The following BANK1 variants were observed in gnomAD, a reference collection of about 807,000 sequenced individuals.
BANK1 encodes B-cell scaffold protein with ankyrin repeats.
Under a neutral mutation model 94.5 loss-of-function variants are expected in BANK1, and 95 were observed. The ratio of observed to expected loss-of-function variants is 1.00; its 90% confidence interval spans 0.85 to 1.19. The LOEUF (loss-of-function observed/expected upper bound fraction) is 1.19, where lower values mean the gene tolerates loss of function less well. BANK1 is among the 50% of genes most tolerant of loss of function. The pLI is 0.00. For synonymous variants in BANK1, 334 were observed against 308.4 expected (o/e 1.08, Z -0.87); for missense variants, 987 against 932.2 (o/e 1.06, Z -0.77).
chr4:101,928,607 T>C (rs1046517337), intron 7 of BANK1, among the ~76,000 whole-genome samples: 19 of 151,690 alleles, frequency 1.3e-4, no homozygotes, highest in Non-Finnish European at 7.4e-5. Context: ...CTTGGTAAAA[T>C]ATCAGCAAGC....
chr4:102,052,646 T>C (rs1728091185), intron 11 of BANK1, among the ~76,000 whole-genome samples: 1 of 152,190 alleles, frequency 6.6e-6, no homozygotes, highest in Admixed American at 6.5e-5. Context: ...ATTTTTCAGC[T>C]AACAATTCAT....
chr4:102,069,615 T>A (rs192855516), intron 13 of BANK1, among the ~76,000 whole-genome samples: 2 of 152,308 alleles, frequency 1.3e-5, no homozygotes, highest in Admixed American at 1.3e-4. Flanking sequence ...GACAGATAAA[T>A]GCTTGTGTTC....
At chr4:101,893,390 T>G (rs944265007) in intron 5 of BANK1, among the ~76,000 whole-genome samples, 6 of 151,954 alleles carry the variant, frequency 3.9e-5, no homozygotes, top group African/African-American at 7.2e-5. Flanking sequence ...CTCTACCCAC[T>G]AGATTTTGTA....
intron 8 of BANK1, among the ~76,000 whole-genome samples, chr4:102,024,041 G>A (rs1468832519): frequency 6.6e-6 from 1 of 152,102 alleles, no homozygotes; most frequent in Non-Finnish European, 1.5e-5. Flanking sequence ...TCTTGGTTTA[G>A]TTTTAGTACT....
chr4:101,977,983 A>T (rs1725192680), intron 7 of BANK1, among the ~76,000 whole-genome samples: 1 of 151,792 alleles, frequency 6.6e-6, no homozygotes, highest in African/African-American at 2.4e-5. Context: ...TTGTTTTTTG[A>T]GACGGAGTCT....
intron 7 of BANK1, among the ~76,000 whole-genome samples, chr4:101,990,313 T>G (rs1439872971): frequency 1.3e-5 from 2 of 152,312 alleles, no homozygotes; most frequent in East Asian, 1.9e-4. Context: ...TGATTATACA[T>G]TTTTCTCATG....
intron 5 of BANK1, among the ~76,000 whole-genome samples, chr4:101,876,448 A>G (rs1728493502): frequency 6.6e-6 from 1 of 152,200 alleles, no homozygotes; most frequent in South Asian, 2.1e-4. Context: ...GTCCAAGACC[A>G]TCAAGGCAGT....
chr4:101,972,116 G>A (rs976354277), intron 7 of BANK1, among the ~76,000 whole-genome samples: 36 of 152,102 alleles, frequency 2.4e-4, no homozygotes, highest in East Asian at 9.7e-4. Context: ...ACCCGTGAAC[G>A]TGGGATGTCT....
intron 7 of BANK1, among the ~76,000 whole-genome samples, chr4:101,940,216 T>C (rs1723696245): frequency 6.6e-6 from 1 of 151,030 alleles, no homozygotes; most frequent in African/African-American, 2.4e-5. Context: ...AATATTGCAA[T>C]GGTAGGGACT....
chr4:101,822,790 T>A (rs1216471454), intron 1 of BANK1, among the ~76,000 whole-genome samples: 1 of 152,044 alleles, frequency 6.6e-6, no homozygotes, highest in Non-Finnish European at 1.5e-5. Flanking sequence ...TAATTTTTTG[T>A]ATTTTTAGTA....
chr4:101,963,988 T>A (rs1458866691), intron 7 of BANK1, among the ~76,000 whole-genome samples: 1 of 152,128 alleles, frequency 6.6e-6, no homozygotes, highest in Non-Finnish European at 1.5e-5. Context: ...AATAGCATTT[T>A]TTTGTGTGTG....
At chr4:101,948,075 G>A (rs1311910989) in intron 7 of BANK1, among the ~76,000 whole-genome samples, 1 of 152,058 alleles carries the variant, frequency 6.6e-6, no homozygotes, top group African/African-American at 2.4e-5. Flanking sequence ...AATTTAACAT[G>A]TTAAATAAAA....
intron 7 of BANK1, among the ~76,000 whole-genome samples, chr4:101,991,672 C>T (rs1397071223): frequency 2.0e-5 from 3 of 152,186 alleles, no homozygotes; most frequent in Non-Finnish European, 4.4e-5. Flanking sequence ...GTTAGCCTTT[C>T]CAAGCATTCC....
At chr4:101,919,970 T>C (rs1722948106) in intron 7 of BANK1, among the ~76,000 whole-genome samples, 3 of 152,036 alleles carry the variant, frequency 2.0e-5, no homozygotes, top group Admixed American at 6.6e-5. Context: ...TGTCAATTTA[T>C]ATGACACATA....
chr4:101,968,396 G>A (rs190105441), intron 7 of BANK1, among the ~76,000 whole-genome samples: 1 of 152,216 alleles, frequency 6.6e-6, no homozygotes, highest in Admixed American at 6.6e-5. Context: ...TATGTCTGCT[G>A]AAATGGCACT....
At chr4:101,905,717 G>T (rs1313856043) in intron 6 of BANK1, among the ~76,000 whole-genome samples, 3 of 152,104 alleles carry the variant, frequency 2.0e-5, no homozygotes, top group Admixed American at 2.0e-4. Context: ...TACCATCACA[G>T]GCCTTGATAT....
rs528764512 is a variant in BANK1 at position 101,876,379 on chromosome 4, A to G, written c.903+5735A>G. 6.6e-4 allele frequency among the ~76,000 whole-genome samples: 101 copies of G among 152,220 alleles called. No homozygotes were observed. The South Asian group carries it at 0.019, about 28-fold the overall frequency. ...ACAGAGGGAGGCTTTGTTTGGGCCA[A>G]AGTAAGGGAAGAGAATAAGAGTCTC... On this transcript the variant is annotated intron_variant, in intron 5 of 16. Coordinates refer to ENST00000322953, the MANE Select transcript of BANK1 (RefSeq NM_017935.5).
At chr4:102,073,929 T>C (rs1359044279) in intron 16 of BANK1, 76 bp from the exon 17 acceptor site, 1 of 458,006 alleles carries the variant, frequency 2.2e-6, no homozygotes, top group African/African-American at 2.0e-5. Context: ...TGTACAGGGG[T>C]GATTTAATGC....
chr4:101,807,054 C>T (rs994869596), intron 1 of BANK1, among the ~76,000 whole-genome samples: 2 of 152,144 alleles, frequency 1.3e-5, no homozygotes, highest in Non-Finnish European at 2.9e-5. Flanking sequence ...TCTTTAGCAA[C>T]CGGGGGTGAC....
Sources: gnomAD v4.1 joint callset for allele counts (sites outside exome capture counted in the v4.1 genomes callset) on GRCh38, gnomAD v4.1.1 for gene constraint, MANE v1.5 for transcripts, NCBI Gene and HGNC (gene_info 2026-07-23, HGNC 2026-07-21) for gene names.